The following FCAMR variants were observed in gnomAD, a reference collection of about 807,000 sequenced individuals.
FCAMR encodes the protein high affinity immunoglobulin alpha and immunoglobulin mu Fc receptor.
FCAMR carries 51 observed loss-of-function variants against 52.2 expected under a neutral mutation model. The ratio of observed to expected loss-of-function variants is 0.98; its 90% CI spans 0.78 to 1.23. The LOEUF is 1.23. Among genes scored for constraint, FCAMR ranks in the 50% most tolerant of loss-of-function variants. The pLI is 0.00. For missense variants in FCAMR, 719 were observed against 712.6 expected (o/e 1.01, Z -0.10); for synonymous variants, 282 against 262.0 (o/e 1.08, Z -0.74).
At chr1:206,966,626 C>T (rs867657409) in intron 3 of FCAMR, among the ~76,000 whole-genome samples, 5 of 152,256 alleles carry the variant, frequency 3.3e-5, no homozygotes, top group Middle Eastern at 3.4e-3. Flanking sequence ...CCTTGTGATC[C>T]GCCTGCCTGG....
intron 4 of FCAMR, among the ~76,000 whole-genome samples, chr1:206,962,834 C>T (rs1680564398): frequency 6.6e-6 from 1 of 152,166 alleles, no homozygotes; most frequent in African/African-American, 2.4e-5. Flanking sequence ...TTCCCCTGTG[C>T]TCCAATGCAG....
chr1:206,963,366 T>C (rs1370906486), intron 4 of FCAMR, among the ~76,000 whole-genome samples: 2 of 152,162 alleles, frequency 1.3e-5, no homozygotes, highest in African/African-American at 4.8e-5. Flanking sequence ...ATGACTTAAA[T>C]GTGATGGGGT....
intron 6 of FCAMR, chr1:206,960,144 C>G (rs755229251): frequency 4.0e-6 from 2 of 504,250 alleles, no homozygotes; most frequent in Middle Eastern, 5.1e-4. Context: ...CTCTCCGGAG[C>G]GCCTATTCTT....
intron 4 of FCAMR, among the ~76,000 whole-genome samples, chr1:206,963,820 A>G (rs1388203099): frequency 1.3e-5 from 2 of 152,076 alleles, no homozygotes; most frequent in East Asian, 3.9e-4. Flanking sequence ...TGCCTACCAG[A>G]TGTATTTTTA....
In FCAMR at chr1:206,962,467, G is replaced by T. The variant is rs200521290; in HGVS notation, c.398C>A (p.Ser133Tyr). ...VTIQCHYAPS[S>Y]VNRHQRKYWC... ...GTACTTCCTCTGGTGCCTGTTGACA[G>T]ATGAGGGGGCATAATGGCACTGGAT... The change falls in exon 5 of 8, where the codon TCT becomes TAT. Residue 133 changes from serine to tyrosine, a missense_variant. Physicochemically the swap from Ser to Tyr is moderately radical, Grantham distance 144. Transcript: ENST00000324852. 1.3e-4 allele frequency: 214 copies of T among 1,613,352 alleles called. No homozygotes were observed. Among genetic ancestry groups the T allele is most frequent in the Non-Finnish European group, 1.7e-4 (204 of 1,179,434 alleles).
intron 3 of FCAMR, 102 bp downstream of exon 3, chr1:206,966,950 T>A: frequency 9.1e-7 from 1 of 1,102,816 alleles, no homozygotes; most frequent in South Asian, 1.3e-5. Flanking sequence ...GGTTTATACC[T>A]GGACAGTTTT....
rs1008875209 is a variant in FCAMR at position 206,960,084 on chromosome 1, C to T, written c.1455-287G>A. ...TGGGAGCAAGCGACTCCAGCCTCAG[C>T]ACTGGGCTCTGCCACAACCTTTCCT... On this transcript the variant is annotated intron_variant, in intron 6 of 7. Coordinates refer to ENST00000324852, the MANE Select transcript of FCAMR (RefSeq NM_001170631.2). The T allele has an allele frequency of 2.2e-5, 11 of 507,654 alleles. No homozygotes were observed. The Admixed American group carries it at 2.6e-4, about 12-fold the overall frequency. The allele number at this position is 507,654 out of a possible 1,614,324, so 31.4% of individuals were successfully genotyped here. A position where few individuals can be genotyped will look rare whatever the true frequency, so the allele number is the denominator to read the frequency against.
chr1:206,963,570 T>G (rs988317544), intron 4 of FCAMR, among the ~76,000 whole-genome samples: 1 of 152,176 alleles, frequency 6.6e-6, no homozygotes, highest in African/African-American at 2.4e-5. Flanking sequence ...AGATCACAAC[T>G]CCAATCTTTT....
At position 206,959,793 on chromosome 1, in the gene FCAMR, A is replaced by G; in HGVS notation, c.1459T>C (p.Phe487Leu). Residue 487 changes from phenylalanine to leucine, a missense_variant, in exon 7 of 8, where the codon TTT (phenylalanine) becomes CTT (leucine). Coordinates refer to ENST00000324852, the MANE Select transcript of FCAMR (RefSeq NM_001170631.2). ...PGKESSVKRTFPEDESSSRTL... is the reference protein window; with the variant it reads ...PGKESSVKRTLPEDESSSRTL... ...CGAGAGCTGCTTTCATCTTCTGGAAAAGTACTACAGTGGGGGTGGAAAGAG... is the reference window on the plus strand; with the variant it reads ...CGAGAGCTGCTTTCATCTTCTGGAAGAGTACTACAGTGGGGGTGGAAAGAG... 6.2e-7 allele frequency: 1 copy of G among 1,613,486 alleles called. No individual in the cohort carries two copies. The highest frequency in any genetic ancestry group is 8.5e-7 in the Non-Finnish European group (1 of 1,179,398).
In FCAMR at chr1:206,959,767, C is replaced by T. The variant is rs761397744; in HGVS notation, c.1485G>A (p.Arg495=). Residue 495 remains arginine (R), a synonymous_variant, in exon 7 of 8, where the codon CGG becomes CGA. Coordinates refer to ENST00000324852, the MANE Select transcript of FCAMR (RefSeq NM_001170631.2). ...RTFPEDESSS[R]TLAPVSTMLA... is the part of the protein sequence containing the mutation. ...GCATGGTAGAGACAGGAGCCAGGGT[C>T]CGAGAGCTGCTTTCATCTTCTGGAA... 3.7e-6 allele frequency: 6 copies of T among 1,613,972 alleles called. No homozygotes were observed. The Admixed American group carries it at 1.0e-4, about 27-fold the overall frequency.
chr1:206,959,555 C>G, intron 7 of FCAMR, 124 bp downstream of exon 7: 1 of 678,918 alleles, frequency 1.5e-6, no homozygotes, highest in Non-Finnish European at 2.6e-6. Flanking sequence ...GGTTAAATGG[C>G]TCAGCCTAGA....
At chr1:206,958,700 T>A (rs772103789) in intron 7 of FCAMR, 24 bp from the exon 8 acceptor site, 1 of 1,613,978 alleles carries the variant, frequency 6.2e-7, no homozygotes, top group Admixed American at 1.7e-5. Context: ...GAGCAGACTG[T>A]GAGGGTTCTG....
Position 206,965,708 on chromosome 1 carries a change from G to C in FCAMR, c.313+7C>G, listed in dbSNP as rs763171774. On this transcript the variant is annotated splice_region_variant and intron_variant, in intron 4 of 7. Transcript: ENST00000324852. ...ATGGTCGAACAAAGGGAGAGTAGGGGTTGTACCTGCAAAGGAGCTCTCCTC... is the reference window on the plus strand; with the variant it reads ...ATGGTCGAACAAAGGGAGAGTAGGGCTTGTACCTGCAAAGGAGCTCTCCTC... 1 of 1,563,090 alleles carries C rather than the reference G, an allele frequency of 6.4e-7. No individual in the cohort carries two copies. The highest frequency in any genetic ancestry group is 1.4e-5 in the African/African-American group (1 of 71,992).
At chr1:206,959,059 GT>G in intron 7 of FCAMR, 1 of 435,458 alleles carries the variant, frequency 2.3e-6, no homozygotes, top group South Asian at 1.8e-5. Context: ...GCTCTCTGCT[GT>G]GAGGGTTGCT....
chr1:206,962,239 A>G lies in FCAMR; in HGVS notation c.626T>C (p.Leu209Ser). 6.2e-7 allele frequency: 1 copy of G among 1,614,196 alleles called. No individual in the cohort carries two copies. Among genetic ancestry groups the G allele is most frequent in the Non-Finnish European group, 8.5e-7 (1 of 1,180,024 alleles). The change falls in exon 5 of 8, where the codon TTA becomes TCA. Residue 209 changes from leucine (L) to serine (S), a missense_variant. By Grantham distance (145) the Leu-to-Ser change is moderately radical (BLOSUM62 -2). Transcript: ENST00000324852. The part of the protein sequence containing the change: ...GIGSENNMLF[L>S]SMNLTISAGP... ...TGCAGAGATGGTCAGATTCATGCTTAAGAACAGCATGTTGTTTTCACTTCC... is the reference window on the plus strand; with the variant it reads ...TGCAGAGATGGTCAGATTCATGCTTGAGAACAGCATGTTGTTTTCACTTCC...
In FCAMR at chr1:206,970,438, A is replaced by T; in HGVS notation, c.-313T>A. The T allele has an allele frequency of 6.8e-6, 2 of 294,598 alleles. 1 individual carries two copies. The highest frequency in any genetic ancestry group is 1.1e-4 in the South Asian group (2 of 17,702). 18.2% of individuals were successfully genotyped at this position (294,598 alleles called of 1,614,324 possible). A position where few individuals can be genotyped will look rare whatever the true frequency, so the allele number is the denominator to read the frequency against. Reference sequence around the variant, plus strand: ...AGTAGCTTCAAAAAAGAAAACACTGATCCATATCCTTCCTCCTCTTGTGTC... The same window carrying T: ...AGTAGCTTCAAAAAAGAAAACACTGTTCCATATCCTTCCTCCTCTTGTGTC... On this transcript the variant is annotated 5_prime_UTR_variant, in exon 1 of 8. Transcript: ENST00000324852.
rs769990631 is a variant in FCAMR, at chr1:206,958,479, T to C, written c.*37A>G. ...CCTGAAGGCCTTTGATCTTGGTCCT[T>C]CTCCCATGGTAACTGAGCAGTTCAT... On this transcript the variant is annotated 3_prime_UTR_variant, in exon 8 of 8. Coordinates refer to ENST00000324852, the MANE Select transcript of FCAMR (RefSeq NM_001170631.2). 1.9e-6 allele frequency: 3 copies of C among 1,575,102 alleles called. No homozygotes were observed. The East Asian group carries it at 6.8e-5, about 36-fold the overall frequency.
rs1027461191 is a variant in FCAMR at position 206,960,563 on chromosome 1, C to A, written c.1313G>T (p.Ser438Ile). 9 of 1,551,758 alleles carry A rather than the reference C, an allele frequency of 5.8e-6. No individual in the cohort carries two copies. Among genetic ancestry groups the A allele is most frequent in the Non-Finnish European group, 7.0e-6 (8 of 1,146,942 alleles). The change falls in exon 6 of 8, where the codon AGC becomes ATC. Residue 438 changes from serine to isoleucine, a missense_variant. Coordinates refer to ENST00000324852, the MANE Select transcript of FCAMR (RefSeq NM_001170631.2). ...TCCTTCCCCAGATGCTGCCTCCATG[C>A]TGGTCCACACATCTGCAGCTGGAGT... Reference protein sequence around the residue: ...LGTPAADVWTSMEAASGEGSA... With the variant: ...LGTPAADVWTIMEAASGEGSA...
Position 206,962,310 on chromosome 1 carries a change from C to G in FCAMR, c.555G>C (p.Leu185=). 1 of 1,614,228 alleles carries G rather than the reference C, an allele frequency of 6.2e-7. No individual in the cohort carries two copies. The highest frequency in any genetic ancestry group is 8.5e-7 in the Non-Finnish European group (1 of 1,180,038). Residue 185 remains leucine, a synonymous_variant, in exon 5 of 8, where the codon CTG becomes CTC. Coordinates refer to ENST00000324852, the MANE Select transcript of FCAMR (RefSeq NM_001170631.2). The part of the protein sequence containing the change: ...FPQRGLFVVR[L]SQLSPDDIGC... ...CGATGTCATCCGGGGACAGTTGGGA[C>G]AGCCTCACCACAAACAAGCCTCTCT...
Sources: allele counts gnomAD v4.1 joint callset (sites outside exome capture counted in the v4.1 genomes callset), GRCh38; gene constraint gnomAD v4.1.1; transcripts MANE v1.5; gene names NCBI Gene and HGNC (gene_info 2026-07-23, HGNC 2026-07-21).